ERO1A: variants seen among roughly 807,000 people sequenced by gnomAD.
ERO1A encodes the protein endoplasmic reticulum oxidoreductase 1 alpha.
Under a neutral mutation model 76.9 loss-of-function variants are expected in ERO1A, and 49 were observed. The ratio of observed to expected loss-of-function variants is 0.64; its 90% CI spans 0.51 to 0.81. ERO1A has a LOEUF of 0.81. Among genes scored for constraint, ERO1A ranks in the 30% least tolerant of loss-of-function variants. ERO1A has a pLI of 0.00. For missense variants in ERO1A, 448 were observed against 542.1 expected, an observed-to-expected ratio of 0.83 and a Z score of 1.72; for synonymous variants, 174 against 181.2, an observed-to-expected ratio of 0.96 and a Z score of 0.32.
At chr14:52,648,054 G>A (rs2039730902) in intron 13 of ERO1A, among the ~76,000 whole-genome samples, 1 of 152,146 alleles carries the variant, frequency 6.6e-6, no homozygotes, top group Non-Finnish European at 1.5e-5. Flanking sequence ...GCTGTAACAT[G>A]AAAGAAAGTT....
At chr14:52,671,268 C>A (rs2040587608) in intron 6 of ERO1A, among the ~76,000 whole-genome samples, 1 of 152,148 alleles carries the variant, frequency 6.6e-6, no homozygotes, top group African/African-American at 2.4e-5. Context: ...TGGGTTGTTA[C>A]CACCTTTTGG....
At chr14:52,671,356 G>A (rs1320003011) in intron 6 of ERO1A, among the ~76,000 whole-genome samples, 4 of 152,128 alleles carry the variant, frequency 2.6e-5, no homozygotes, top group Non-Finnish European at 5.9e-5. Flanking sequence ...AAAAGGAACT[G>A]TTATGTCATA....
At chr14:52,678,135 G>A (rs995404259) in intron 4 of ERO1A, among the ~76,000 whole-genome samples, 4 of 151,986 alleles carry the variant, frequency 2.6e-5, no homozygotes, top group Non-Finnish European at 5.9e-5. Context: ...GCATGGTGGT[G>A]AGTGCCTGTA....
chr14:52,661,621 G>T (rs755739710), intron 8 of ERO1A, among the ~76,000 whole-genome samples: 49 of 152,052 alleles, frequency 3.2e-4, no homozygotes, highest in Non-Finnish European at 6.0e-4. Flanking sequence ...ATATCTTAAG[G>T]ACCTACGTTT....
At chr14:52,688,001 C>G (rs1013938430) in intron 1 of ERO1A, among the ~76,000 whole-genome samples, 2 of 152,056 alleles carry the variant, frequency 1.3e-5, no homozygotes, top group Admixed American at 6.6e-5. Flanking sequence ...ACCTGGGCAA[C>G]ACAGTGAGGC....
At chr14:52,657,142 A>G (rs1433610315) in intron 11 of ERO1A, among the ~76,000 whole-genome samples, 1 of 152,216 alleles carries the variant, frequency 6.6e-6, no homozygotes, top group African/African-American at 2.4e-5. Flanking sequence ...CCCAGAAGTT[A>G]CTACCCTTTT....
chr14:52,645,992 C>T (rs932275663), intron 15 of ERO1A, among the ~76,000 whole-genome samples, 162 bp downstream of exon 15: 8 of 152,216 alleles, frequency 5.3e-5, no homozygotes, highest in African/African-American at 1.9e-4. Flanking sequence ...GCCGAGATCA[C>T]GCCACTGCAC....
intron 3 of ERO1A, among the ~76,000 whole-genome samples, chr14:52,681,864 T>C (rs748245513): frequency 4.4e-4 from 67 of 152,178 alleles, no homozygotes; most frequent in Non-Finnish European, 7.8e-4. Context: ...GCTATATATA[T>C]AACTTGGTTC....
At chr14:52,664,905 A>C (rs1164230339) in intron 7 of ERO1A, among the ~76,000 whole-genome samples, 1 of 151,774 alleles carries the variant, frequency 6.6e-6, no homozygotes, top group Non-Finnish European at 1.5e-5. Flanking sequence ...GTTAGTGAGG[A>C]TGGTCTCGAT....
At chr14:52,666,596 TAA>T in intron 6 of ERO1A, 101 bp from the exon 7 acceptor site, 1 of 1,073,802 alleles carries the variant, frequency 9.3e-7, no homozygotes, top group Non-Finnish European at 1.3e-6. Flanking sequence ...ACCACAAATA[TAA>T]CAATGTGTCA....
intron 9 of ERO1A, among the ~76,000 whole-genome samples, chr14:52,660,632 C>T (rs938934340): frequency 1.3e-5 from 2 of 152,068 alleles, no homozygotes; most frequent in South Asian, 2.1e-4. Context: ...AATGCAAAAG[C>T]AATTCATAAG....
In ERO1A at chr14:52,640,977, T is replaced by G. The variant is rs928057430; in HGVS notation, c.*2593A>C. 11 of 151,738 alleles carry G rather than the reference T, an allele frequency of 7.2e-5. No individual in the cohort carries two copies. The highest frequency in any genetic ancestry group is 2.6e-4 in the Admixed American group (4 of 15,226). 9.4% of individuals were successfully genotyped at this position (151,738 alleles called of 1,614,324 possible). ...AATTACCCAAGCGTGAGAAGTGGTG[T>G]TGTGATTAAGAGAGAAAAAAAAAAT... On this transcript the variant is annotated 3_prime_UTR_variant, in exon 16 of 16. Transcript: ENST00000395686.
chr14:52,670,407 G>A (rs2040559132), intron 6 of ERO1A, among the ~76,000 whole-genome samples: 1 of 152,220 alleles, frequency 6.6e-6, no homozygotes, highest in Admixed American at 6.5e-5. Flanking sequence ...TTGAGACGGA[G>A]TCTCGCTCTG....
In ERO1A at chr14:52,645,698, T is replaced by C. The variant is rs528746271; in HGVS notation, c.1346+456A>G. On this transcript the variant is annotated intron_variant, in intron 15 of 15. Transcript: ENST00000395686. Reference sequence around the variant, plus strand: ...AATATCCCATAATTCTGTAATGAAATGATTTCTTCAAAAAAAATATTCCTG... The same window carrying C: ...AATATCCCATAATTCTGTAATGAAACGATTTCTTCAAAAAAAATATTCCTG... Among the ~76,000 whole-genome samples, 46 of 152,180 alleles carry C rather than the reference T, an allele frequency of 3.0e-4. 3 individuals carry two copies. The South Asian group carries it at 9.3e-3, about 31-fold the overall frequency.
intron 11 of ERO1A, among the ~76,000 whole-genome samples, chr14:52,657,243 C>T (rs1037217528): frequency 6.6e-6 from 1 of 152,178 alleles, no homozygotes; most frequent in Admixed American, 6.5e-5. Context: ...CAAGCTGCTA[C>T]TCTGGGCACA....
At position 52,642,736 on chromosome 14, in the gene ERO1A, T is replaced by A. The variant is rs2039517444; in HGVS notation, c.*834A>T. 1 of 152,568 alleles carries A rather than the reference T, an allele frequency of 6.6e-6. No individual in the cohort carries two copies. Among genetic ancestry groups the A allele is most frequent in the African/African-American group, 2.4e-5 (1 of 41,446 alleles). 9.5% of individuals were successfully genotyped at this position (152,568 alleles called of 1,614,324 possible). ...AGCTCTTTGTACTATTTTTGAAACT[T>A]TTCTGTAAATTGGAAATTATATAAA... On this transcript the variant is annotated 3_prime_UTR_variant, in exon 16 of 16. Transcript: ENST00000395686.
At position 52,653,262 on chromosome 14, in the gene ERO1A, A is replaced by G; in HGVS notation, c.862T>C (p.Phe288Leu). 1 of 1,612,320 alleles carries G rather than the reference A, an allele frequency of 6.2e-7. No homozygotes were observed. Among genetic ancestry groups the G allele is most frequent in the Non-Finnish European group, 8.5e-7 (1 of 1,178,860 alleles). The stretch of plus-strand genomic sequence containing the variant: ...TCTCCTTCAGTCAAAATTCCATCAA[A>G]TCGCTGTTGAAATTCTGTAATGTTG... ...GHNITEFQQR[F>L]DGILTEGEGP... Residue 288 changes from phenylalanine to leucine, a missense_variant, in exon 12 of 16, where the codon TTT becomes CTT. Around this residue, in one of 2 missense-constraint regions of ERO1A, gnomAD observed 302 missense variants for 411.9 expected, o/e 0.73. Transcript: ENST00000395686.
At chr14:52,648,228 G>A (rs2039736977) in intron 13 of ERO1A, among the ~76,000 whole-genome samples, 1 of 151,644 alleles carries the variant, frequency 6.6e-6, no homozygotes, top group Non-Finnish European at 1.5e-5. Context: ...CAAGCAACAG[G>A]TACTAATTTT....
At chr14:52,650,146 G>A (rs554427678) in intron 13 of ERO1A, among the ~76,000 whole-genome samples, 3 of 152,074 alleles carry the variant, frequency 2.0e-5, no homozygotes, top group Admixed American at 2.0e-4. Flanking sequence ...TTGAACCCAG[G>A]AGTTCCAGGC....
Sources: allele counts gnomAD v4.1 joint callset (sites outside exome capture counted in the v4.1 genomes callset), GRCh38; gene constraint gnomAD v4.1.1; regional missense constraint gnomAD v4.1.1; transcripts MANE v1.5; gene names NCBI Gene and HGNC (gene_info 2026-07-23, HGNC 2026-07-21).